TNS3: variants seen among roughly 807,000 people sequenced by gnomAD.
The protein encoded by TNS3 is tensin-3.
A neutral mutation model predicts 140.9 loss-of-function variants in TNS3; 45 were observed. That is an observed-to-expected ratio of 0.32 (90% CI 0.25 to 0.41). The LOEUF is 0.41. TNS3 is among the 10% of genes least tolerant of loss of function. The probability of loss-of-function intolerance (pLI) is 1.00; values close to 1 mark genes in which losing one functional copy is unlikely to be tolerated. For missense variants in TNS3, 1,716 were observed against 1,906.7 expected (o/e 0.90, Z 1.86); for synonymous variants, 815 against 788.4 (o/e 1.03, Z -0.56).
intron 20 of TNS3, among the ~76,000 whole-genome samples, chr7:47,330,502 G>C (rs1788273140): frequency 6.6e-6 from 1 of 152,180 alleles, no homozygotes; most frequent in Admixed American, 6.5e-5. Flanking sequence ...ATGTCCTGAG[G>C]CTGAGGGAGG....
intron 3 of TNS3, among the ~76,000 whole-genome samples, chr7:47,500,223 C>T (rs917991238): frequency 6.6e-6 from 1 of 151,968 alleles, no homozygotes; most frequent in Non-Finnish European, 1.5e-5. Flanking sequence ...CATCTGGGTC[C>T]AGCTCTGTGC....
intron 4 of TNS3, among the ~76,000 whole-genome samples, chr7:47,460,749 T>C (rs1796458069): frequency 6.6e-6 from 1 of 152,158 alleles, no homozygotes; most frequent in African/African-American, 2.4e-5. Context: ...GGGAAAACAA[T>C]CCAGTAAGTC....
At chr7:47,312,074 A>T (rs941605952) in intron 20 of TNS3, among the ~76,000 whole-genome samples, 8 of 152,162 alleles carry the variant, frequency 5.3e-5, no homozygotes, top group African/African-American at 1.9e-4. Flanking sequence ...TGTCTGCTGC[A>T]CCCAACTGTA....
rs1465665197 is a variant in TNS3 at position 47,530,833 on chromosome 7, A to AT, written c.-264-1687_-264-1686insA. On this transcript the variant is annotated intron_variant, in intron 1 of 30. Coordinates refer to ENST00000311160, the MANE Select transcript of TNS3 (RefSeq NM_022748.12). The stretch of plus-strand genomic sequence containing the variant: ...AGTGAAACTCCATCTCAAAAAAAAA[A>AT]AAAAAATATATATATATATATATAT... Among the ~76,000 whole-genome samples the AT allele has an allele frequency of 2.2e-4, 26 of 120,504 alleles. 1 individual carries two copies. Among genetic ancestry groups the AT allele is most frequent in the South Asian group, 8.6e-4 (3 of 3,502 alleles). 79.1% of individuals were successfully genotyped at this position (120,504 alleles called of 152,430 possible).
chr7:47,503,612 C>T (rs1436043996), intron 3 of TNS3, among the ~76,000 whole-genome samples: 1 of 151,776 alleles, frequency 6.6e-6, no homozygotes, highest in Admixed American at 6.6e-5. Context: ...ATTAACATAA[C>T]CAACAGCTAA....
chr7:47,322,557 A>G (rs143281144), intron 20 of TNS3, among the ~76,000 whole-genome samples: 1 of 149,330 alleles, frequency 6.7e-6, no homozygotes, highest in African/African-American at 2.4e-5. Context: ...CACACACACA[A>G]TCAAAAAAAC....
At chr7:47,575,244 C>A in intron 1 of TNS3, among the ~76,000 whole-genome samples, 1 of 152,116 alleles carries the variant, frequency 6.6e-6, no homozygotes, top group African/African-American at 2.4e-5. Flanking sequence ...CATATTTATG[C>A]AGAGCTATTT....
intron 2 of TNS3, among the ~76,000 whole-genome samples, chr7:47,525,125 G>A (rs1584811984): frequency 6.6e-6 from 1 of 152,192 alleles, no homozygotes; most frequent in Non-Finnish European, 1.5e-5. Context: ...AATGCTGCAC[G>A]AGGACAGAGC....
chr7:47,340,256 G>A (rs1307213330), intron 20 of TNS3, among the ~76,000 whole-genome samples: 3 of 147,856 alleles, frequency 2.0e-5, no homozygotes, highest in African/African-American at 7.5e-5. Flanking sequence ...CTGAATAGCC[G>A]GGATTACAGG....
intron 4 of TNS3, among the ~76,000 whole-genome samples, chr7:47,477,415 C>G (rs1797237244): frequency 6.6e-6 from 1 of 152,090 alleles, no homozygotes; most frequent in Admixed American, 6.5e-5. Flanking sequence ...GTGGGAGGGG[C>G]CGCCAGCACA....
intron 17 of TNS3, among the ~76,000 whole-genome samples, chr7:47,350,568 C>G (rs548689239): frequency 1.3e-5 from 2 of 152,262 alleles, no homozygotes; most frequent in South Asian, 4.1e-4. Context: ...GCGTTGCTAC[C>G]GGGCTGGCGG....
chr7:47,555,890 T>C (rs1800182024), intron 1 of TNS3, among the ~76,000 whole-genome samples: 1 of 152,262 alleles, frequency 6.6e-6, no homozygotes, highest in African/African-American at 2.4e-5. Context: ...TTCATTTTAT[T>C]GCAATGGTCC....
At chr7:47,445,014 A>G (rs1795656808) in intron 4 of TNS3, among the ~76,000 whole-genome samples, 1 of 152,130 alleles carries the variant, frequency 6.6e-6, no homozygotes, top group Non-Finnish European at 1.5e-5. Flanking sequence ...CCCCTTCCTT[A>G]ACCTCTGTAT....
chr7:47,483,450 T>TGA (rs1259192971), intron 3 of TNS3, among the ~76,000 whole-genome samples: 4 of 152,240 alleles, frequency 2.6e-5, no homozygotes, highest in African/African-American at 9.6e-5. Context: ...ATTACAGGCG[T>TGA]GAGCCACCAT....
chr7:47,581,463 G>A (rs1784532794), intron 1 of TNS3: 1 of 152,114 alleles, frequency 6.6e-6, no homozygotes, highest in Non-Finnish European at 1.5e-5. Context: ...GTAGGAGAAG[G>A]GTCTTGAGCC....
rs942509956 is a variant in TNS3 at position 47,540,990 on chromosome 7, C to T, written c.-264-11843G>A. ...AGGTGTATGTTCATCCTGGAGGACCCCTGGCAGTCCTGGGAGGACACTCGG... is the reference window on the plus strand; with the variant it reads ...AGGTGTATGTTCATCCTGGAGGACCTCTGGCAGTCCTGGGAGGACACTCGG... On this transcript the variant is annotated intron_variant, in intron 1 of 30. Coordinates refer to ENST00000311160, the MANE Select transcript of TNS3 (RefSeq NM_022748.12). Among the ~76,000 whole-genome samples, 6 of 152,174 alleles carry T rather than the reference C, an allele frequency of 3.9e-5. No homozygotes were observed. In the East Asian group the frequency reaches 1.2e-3, roughly 29 times the overall value.
chr7:47,547,962 G>A (rs571399783), intron 1 of TNS3, among the ~76,000 whole-genome samples: 2 of 152,296 alleles, frequency 1.3e-5, no homozygotes, highest in East Asian at 3.9e-4. Flanking sequence ...GTGCAGTGGC[G>A]CGATCTCAGT....
intron 1 of TNS3, among the ~76,000 whole-genome samples, chr7:47,549,662 C>T (rs2151978970): frequency 6.6e-6 from 1 of 152,220 alleles, no homozygotes; most frequent in Middle Eastern, 3.4e-3. Context: ...TTATGCCTCT[C>T]CTGCATGAGG....
intron 3 of TNS3, among the ~76,000 whole-genome samples, chr7:47,489,708 A>T (rs1797741328): frequency 6.6e-6 from 1 of 152,252 alleles, no homozygotes; most frequent in South Asian, 2.1e-4. Context: ...ATCAAATGTG[A>T]ACCTATTGTT....
Sources: allele counts gnomAD v4.1 joint callset (sites outside exome capture counted in the v4.1 genomes callset), GRCh38; gene constraint gnomAD v4.1.1; transcripts MANE v1.5; gene names NCBI Gene and HGNC (gene_info 2026-07-23, HGNC 2026-07-21).